PTPRD: variants seen among roughly 807,000 people sequenced by gnomAD.
PTPRD encodes the protein receptor-type tyrosine-protein phosphatase delta.
PTPRD carries 34 observed loss-of-function variants against 214.5 expected under a neutral mutation model. The observed-to-expected ratio is 0.16, with a 90% CI of 0.12 to 0.21. The LOEUF is 0.21. Among genes scored for constraint, PTPRD ranks in the 10% least tolerant of loss-of-function variants. The pLI is 1.00. For synonymous variants in PTPRD, 1,128 were observed against 845.7 expected, an observed-to-expected ratio of 1.33 and a Z score of -5.79; for missense variants, 2,545 against 2,398.7, an observed-to-expected ratio of 1.06 and a Z score of -1.27.
chr9:10,425,757 C>T (rs1292235246), intron 2 of PTPRD, among the ~76,000 whole-genome samples: 2 of 151,822 alleles, frequency 1.3e-5, no homozygotes, highest in Non-Finnish European at 2.9e-5. Context: ...GTCATTAAAC[C>T]AGCAGTCTAA....
chr9:9,095,448 A>G (rs894351564), intron 10 of PTPRD, among the ~76,000 whole-genome samples: 4 of 152,182 alleles, frequency 2.6e-5, no homozygotes, highest in African/African-American at 7.2e-5. Context: ...TTCAATGTCA[A>G]TTTTCTCCAG....
chr9:9,922,196 A>T (rs1239406960), intron 5 of PTPRD, among the ~76,000 whole-genome samples: 1 of 152,140 alleles, frequency 6.6e-6, no homozygotes, highest in African/African-American at 2.4e-5. Flanking sequence ...AGTTCTGAAC[A>T]GAGAAAAATT....
chr9:9,261,527 A>G (rs1479237785), intron 9 of PTPRD, among the ~76,000 whole-genome samples: 1 of 151,842 alleles, frequency 6.6e-6, no homozygotes, highest in African/African-American at 2.4e-5. Context: ...TGCCAGAAGG[A>G]TGGCATAAAT....
chr9:8,784,396 G>T (rs2095856431), intron 11 of PTPRD, among the ~76,000 whole-genome samples: 1 of 152,134 alleles, frequency 6.6e-6, no homozygotes, highest in African/African-American at 2.4e-5. Flanking sequence ...TGAAGTAAAG[G>T]CAGATATTTT....
In PTPRD at chr9:10,481,100, A is replaced by G. The variant is rs1334530788; in HGVS notation, c.-600+131298T>C. ...CATTAAAAATCTATCCTGCTCAAGA[A>G]AAAAAAGGAGAGGTGTTCTGAAATA... On this transcript the variant is annotated intron_variant, in intron 2 of 45. Transcript: ENST00000381196. Among the ~76,000 whole-genome samples, 4 of 152,008 alleles carry G rather than the reference A, an allele frequency of 2.6e-5. No individual in the cohort carries two copies. The South Asian group carries it at 6.2e-4, about 24-fold the overall frequency.
At chr9:10,195,592 C>A (rs994192859) in intron 3 of PTPRD, among the ~76,000 whole-genome samples, 3 of 152,138 alleles carry the variant, frequency 2.0e-5, no homozygotes, top group African/African-American at 7.2e-5. Flanking sequence ...CCTGTGATCC[C>A]AGGTCAACTT....
chr9:9,231,780 G>A (rs901958743), intron 9 of PTPRD, among the ~76,000 whole-genome samples: 6 of 151,706 alleles, frequency 4.0e-5, no homozygotes, highest in Non-Finnish European at 5.9e-5. Flanking sequence ...TGTGCACAAC[G>A]TACAGGTTTG....
intron 2 of PTPRD, among the ~76,000 whole-genome samples, chr9:10,446,886 C>A (rs531973849): frequency 8.5e-5 from 13 of 152,250 alleles, no homozygotes; most frequent in African/African-American, 3.1e-4. Context: ...CAGCATACTG[C>A]CCATGCTTAT....
intron 8 of PTPRD, among the ~76,000 whole-genome samples, chr9:9,403,097 C>T (rs572482304): frequency 6.6e-6 from 1 of 150,850 alleles, no homozygotes; most frequent in Non-Finnish European, 1.5e-5. Flanking sequence ...CAAGAATAGC[C>T]TGGCCAACAT....
intron 18 of PTPRD, among the ~76,000 whole-genome samples, chr9:8,523,852 T>C (rs1418481489): frequency 6.6e-6 from 1 of 152,156 alleles, no homozygotes; most frequent in Non-Finnish European, 1.5e-5. Context: ...ACTTTCTTCA[T>C]ATTTCCCCAC....
At chr9:9,969,204 AG>A (rs1488974159) in intron 4 of PTPRD, among the ~76,000 whole-genome samples, 5 of 152,196 alleles carry the variant, frequency 3.3e-5, no homozygotes, top group Non-Finnish European at 7.3e-5. Context: ...TAGCGATCAA[AG>A]AATTACACAT....
intron 4 of PTPRD, among the ~76,000 whole-genome samples, chr9:10,031,240 A>C (rs2097059783): frequency 6.6e-6 from 1 of 152,060 alleles, no homozygotes. Flanking sequence ...AAAACGCCAT[A>C]ATCAATACTT....
At chr9:8,500,307 A>T (rs1005544808) in intron 24 of PTPRD, among the ~76,000 whole-genome samples, 3 of 151,876 alleles carry the variant, frequency 2.0e-5, no homozygotes, top group African/African-American at 7.3e-5. Context: ...AAGTTATTCC[A>T]TACAAAAGAT....
chr9:8,536,825 C>T (rs2077075477), intron 14 of PTPRD, among the ~76,000 whole-genome samples: 1 of 151,986 alleles, frequency 6.6e-6, no homozygotes, highest in South Asian at 2.1e-4. Flanking sequence ...ATAATGACTA[C>T]TCCAAAGCTT....
chr9:9,195,086 G>GTATATATACATA (rs1554959657), intron 9 of PTPRD, among the ~76,000 whole-genome samples: 2 of 131,172 alleles, frequency 1.5e-5, no homozygotes, highest in African/African-American at 5.5e-5. Context: ...GTGTGTTTGT[G>GTATATATACATA]TATATATATA....
At chr9:9,394,644 C>T (rs1195879913) in intron 9 of PTPRD, among the ~76,000 whole-genome samples, 1 of 152,014 alleles carries the variant, frequency 6.6e-6, no homozygotes, top group Non-Finnish European at 1.5e-5. Flanking sequence ...TAGTCATCAC[C>T]ATGTAGCTCT....
intron 5 of PTPRD, among the ~76,000 whole-genome samples, chr9:9,826,910 C>A (rs978830976): frequency 6.6e-6 from 1 of 151,996 alleles, no homozygotes; most frequent in African/African-American, 2.4e-5. Flanking sequence ...ACAATTACTT[C>A]AAAGAAAATA....
intron 10 of PTPRD, among the ~76,000 whole-genome samples, chr9:9,141,833 C>CAAAGTTTCTGGGAAAGTCAA: frequency 1.1e-5 from 1 of 94,192 alleles, no homozygotes. Flanking sequence ...GGAAAGTCAA[C>CAAAGTTTCTGGGAAAGTCAA]TATTTATTCT....
At position 8,695,485 on chromosome 9, in the gene PTPRD, G is replaced by A. The variant is rs12682710; in HGVS notation, c.64+38295C>T. ...TGTTATAGGCAAGCAAGAAGGAAGC[G>A]TCTAACAGGCAAACAACAATGTCTG... On this transcript the variant is annotated intron_variant, in intron 12 of 45. Transcript: ENST00000381196. Among the ~76,000 whole-genome samples, 2,412 of 151,844 alleles carry A rather than the reference G, an allele frequency of 0.016. 122 individuals carry two copies. The East Asian group carries it at 0.17, about 11-fold the overall frequency.
Sources: allele counts gnomAD v4.1 joint callset (sites outside exome capture counted in the v4.1 genomes callset), GRCh38; gene constraint gnomAD v4.1.1; transcripts MANE v1.5; gene names NCBI Gene and HGNC (gene_info 2026-07-23, HGNC 2026-07-21).